DMD: variants seen among roughly 807,000 people sequenced by gnomAD.
DMD encodes the protein mutant dystrophin.
Under a neutral mutation model 330.1 loss-of-function variants are expected in DMD, and 63 were observed. That is an observed-to-expected ratio of 0.19 (90% CI 0.16 to 0.24). DMD has a LOEUF of 0.24. Ranked by LOEUF, DMD falls within the 10% of genes least tolerant of loss-of-function variation. DMD has a pLI of 1.00. For synonymous variants in DMD, 1,223 were observed against 959.8 expected (o/e 1.27, Z -5.07); for missense variants, 3,344 against 2,684.1 (o/e 1.25, Z -5.43).
At chrX:33,163,950 C>G (rs1482423165) in intron 1 of DMD, among the ~76,000 whole-genome samples, 1 of 111,020 alleles carries the variant, frequency 9.0e-6, no homozygotes, top group Non-Finnish European at 1.9e-5. Flanking sequence ...TTTTTCTTCA[C>G]TTGCCAAAAT....
chrX:32,636,217 C>G (rs1315790870), intron 11 of DMD, among the ~76,000 whole-genome samples: 2 of 111,947 alleles, frequency 1.8e-5, no homozygotes, highest in East Asian at 5.6e-4. Context: ...ACATCTTGGG[C>G]TAGGAAAGAA....
chrX:32,492,535 G>C (rs889562288), intron 19 of DMD, among the ~76,000 whole-genome samples: 1 of 111,989 alleles, frequency 8.9e-6, no homozygotes, highest in Non-Finnish European at 1.9e-5. Flanking sequence ...CCATTCTGGA[G>C]TACCTACTAT....
rs142365270 is a variant in DMD at position 32,324,195 on chromosome X, C to A, written c.5923-13919G>T. Among the ~76,000 whole-genome samples the A allele has an allele frequency of 2.6e-3, 286 of 110,965 alleles. 6 individuals are homozygous for A. In the East Asian group the frequency reaches 0.072, roughly 28 times the overall value. Reference sequence around the variant, plus strand: ...GATAAATACTTGAGATGATGGATACCCTAACTATCCTGACTTAATCATTAT... The same window carrying A: ...GATAAATACTTGAGATGATGGATACACTAACTATCCTGACTTAATCATTAT... On this transcript the variant is annotated intron_variant, in intron 41 of 78. Coordinates refer to ENST00000357033, the MANE Select transcript of DMD (RefSeq NM_004006.3).
At chrX:31,856,063 G>C (rs1038693477) in intron 48 of DMD, among the ~76,000 whole-genome samples, 3 of 111,687 alleles carry the variant, frequency 2.7e-5, no homozygotes, top group Admixed American at 1.9e-4. Flanking sequence ...AACTCTACTA[G>C]AATCTAGAAT....
chrX:31,674,585 C>T (rs1475456432), intron 53 of DMD, among the ~76,000 whole-genome samples: 1 of 111,905 alleles, frequency 8.9e-6, no homozygotes, highest in African/African-American at 3.2e-5. Flanking sequence ...AATGCTGTCA[C>T]GTTTGAAAAG....
intron 60 of DMD, among the ~76,000 whole-genome samples, chrX:31,440,400 C>T (rs1887811446): frequency 9.0e-6 from 1 of 111,532 alleles, no homozygotes; most frequent in South Asian, 3.8e-4. Flanking sequence ...CCACCCGCCT[C>T]ACCCTCCCAA....
At chrX:31,570,047 C>T (rs1259419819) in intron 55 of DMD, among the ~76,000 whole-genome samples, 1 of 111,027 alleles carries the variant, frequency 9.0e-6, no homozygotes, top group African/African-American at 3.3e-5. Flanking sequence ...TTTTTCCACT[C>T]ATGTCATTTT....
intron 47 of DMD, among the ~76,000 whole-genome samples, chrX:31,898,434 G>C (rs1180986385): frequency 2.7e-5 from 3 of 110,380 alleles, no homozygotes; most frequent in African/African-American, 9.9e-5. Flanking sequence ...TAGATCAATG[G>C]AACAGAACAG....
At chrX:32,486,055 A>C (rs146636342) in intron 20 of DMD, among the ~76,000 whole-genome samples, 2,155 of 109,635 alleles carry the variant, frequency 0.02, 56 homozygotes, top group African/African-American at 0.069. Context: ...GCCACTTTTT[A>C]AATTACGGTG....
intron 1 of DMD, among the ~76,000 whole-genome samples, chrX:33,078,018 A>G (rs1391709716): frequency 8.9e-6 from 1 of 112,203 alleles, no homozygotes. Context: ...ATTGGCTTTG[A>G]TGGAACTCTG....
intron 55 of DMD, among the ~76,000 whole-genome samples, chrX:31,625,095 A>G (rs770104480): frequency 7.1e-5 from 8 of 112,042 alleles, no homozygotes; most frequent in African/African-American, 2.6e-4. Context: ...TCATTATCCA[A>G]CCATCTAACT....
chrX:32,814,239 T>C (rs1166883737), intron 6 of DMD, among the ~76,000 whole-genome samples: 1 of 112,436 alleles, frequency 8.9e-6, no homozygotes, highest in Non-Finnish European at 1.9e-5. Flanking sequence ...TCTGCATCTT[T>C]TGTACATATT....
At chrX:33,224,325 C>A (rs1389215202) in intron 1 of DMD, among the ~76,000 whole-genome samples, 1 of 112,122 alleles carries the variant, frequency 8.9e-6, no homozygotes, top group Non-Finnish European at 1.9e-5. Context: ...AACTTGGAAA[C>A]AACAAGATGT....
intron 73 of DMD, among the ~76,000 whole-genome samples, chrX:31,170,589 T>C (rs1179464908): frequency 8.9e-6 from 1 of 111,898 alleles, no homozygotes; most frequent in East Asian, 2.8e-4. Flanking sequence ...TTGAAAAATA[T>C]CAGAAATTTA....
At chrX:32,691,157 G>A (rs1255832612) in intron 9 of DMD, among the ~76,000 whole-genome samples, 1 of 110,549 alleles carries the variant, frequency 9.0e-6, no homozygotes, top group Non-Finnish European at 1.9e-5. Flanking sequence ...TCATGGTATA[G>A]CTACATTCTA....
At chrX:31,418,631 TTAGGAAAG>T (rs1391374106) in intron 60 of DMD, among the ~76,000 whole-genome samples, 1 of 112,200 alleles carries the variant, frequency 8.9e-6, no homozygotes, top group Non-Finnish European at 1.9e-5. Context: ...GCTTTATAGG[TTAGGAAAG>T]TACAGGTTCC....
At chrX:32,865,315 A>T (rs1298074290) in intron 2 of DMD, among the ~76,000 whole-genome samples, 1 of 110,642 alleles carries the variant, frequency 9.0e-6, no homozygotes, top group Non-Finnish European at 1.9e-5. Flanking sequence ...TAATCCTATT[A>T]ATAGTGATTT....
chrX:31,808,935 T>C (rs1267814901), intron 50 of DMD, among the ~76,000 whole-genome samples: 1 of 110,643 alleles, frequency 9.0e-6, no homozygotes, highest in Non-Finnish European at 1.9e-5. Context: ...TTCACTTCAG[T>C]ATGACAAGAA....
At chrX:31,961,744 T>G (rs113923624) in intron 45 of DMD, among the ~76,000 whole-genome samples, 1 of 96,612 alleles carries the variant, frequency 1.0e-5, no homozygotes, top group African/African-American at 4.4e-5. Flanking sequence ...GAAGCGGTTT[T>G]TTTTTTTTTT....
Sources: allele counts gnomAD v4.1 joint callset (sites outside exome capture counted in the v4.1 genomes callset), GRCh38; gene constraint gnomAD v4.1.1; transcripts MANE v1.5; gene names NCBI Gene and HGNC (gene_info 2026-07-23, HGNC 2026-07-21).